KATNIP: variants seen among roughly 807,000 people sequenced by gnomAD.
The protein encoded by KATNIP is katanin interacting protein, also known as katanin-interacting protein.
A neutral mutation model predicts 174.0 loss-of-function variants in KATNIP; 126 were observed. That is an observed-to-expected ratio of 0.72 (90% CI 0.63 to 0.84). The LOEUF (loss-of-function observed/expected upper bound fraction) is 0.84, where lower values mean the gene tolerates loss of function less well. Among genes scored for constraint, KATNIP ranks in the 40% least tolerant of loss-of-function variants. KATNIP has a pLI of 0.00. For synonymous variants in KATNIP, 810 were observed against 835.7 expected (o/e 0.97, Z 0.53); for missense variants, 1,958 against 2,109.7 (o/e 0.93, Z 1.41).
chr16:27,555,088 G>A (rs190003471), intron 1 of KATNIP, among the ~76,000 whole-genome samples: 4 of 152,082 alleles, frequency 2.6e-5, no homozygotes, highest in South Asian at 2.1e-4. Context: ...ATGAGCCACC[G>A]CACCTGGCCC....
At chr16:27,562,541 G>T (rs1462204556) in intron 1 of KATNIP, among the ~76,000 whole-genome samples, 1 of 152,152 alleles carries the variant, frequency 6.6e-6, no homozygotes, top group Non-Finnish European at 1.5e-5. Flanking sequence ...TTTTTGGGAG[G>T]TGCAGATACT....
At chr16:27,581,367 C>T (rs191894214) in intron 2 of KATNIP, among the ~76,000 whole-genome samples, 173 of 152,178 alleles carry the variant, frequency 1.1e-3, no homozygotes, top group African/African-American at 4.1e-3. Flanking sequence ...TTGATGTTTC[C>T]AATTCATCTT....
chr16:27,778,288 A>T lies in KATNIP; in HGVS notation c.4802-286A>T, dbSNP rs9924625. 7.7e-3 allele frequency among the ~76,000 whole-genome samples: 1,177 copies of T among 152,350 alleles called. 14 individuals carry two copies. Among genetic ancestry groups the T allele is most frequent in the African/African-American group, 0.027 (1,113 of 41,578 alleles). On this transcript the variant is annotated intron_variant, in intron 27 of 27. Coordinates refer to ENST00000261588, the MANE Select transcript of KATNIP (RefSeq NM_015202.5). ...GCCCCGGGCCGTGGGAAACCAATAG[A>T]GGATGCCCAAGGTGAGGGCTTCCCG...
In KATNIP at chr16:27,690,290, C is replaced by T. The variant is rs8063100; in HGVS notation, c.941-8038C>T. On this transcript the variant is annotated intron_variant, in intron 8 of 27. Coordinates refer to ENST00000261588, the MANE Select transcript of KATNIP (RefSeq NM_015202.5). Reference sequence around the variant, plus strand: ...ATACTCATTCCATGGCACTCCAGCCCGGGTGACAGAGTGAGACCCCATCTC... The same window carrying T: ...ATACTCATTCCATGGCACTCCAGCCTGGGTGACAGAGTGAGACCCCATCTC... Among the ~76,000 whole-genome samples, 1,151 of 148,020 alleles carry T rather than the reference C, an allele frequency of 7.8e-3. 17 individuals carry two copies. The highest frequency in any genetic ancestry group is 0.028 in the African/African-American group (1,105 of 40,048).
chr16:27,653,237 C>T (rs541641669), intron 6 of KATNIP, among the ~76,000 whole-genome samples: 15 of 152,288 alleles, frequency 9.8e-5, no homozygotes, highest in Admixed American at 9.2e-4. Flanking sequence ...GAGCGTGATA[C>T]GTGACAGGAA....
intron 22 of KATNIP, among the ~76,000 whole-genome samples, chr16:27,772,876 CAT>C (rs1257593105): frequency 2.6e-5 from 4 of 152,002 alleles, no homozygotes; most frequent in Non-Finnish European, 5.9e-5. Flanking sequence ...CATACACACA[CAT>C]GAACACTCAC....
intron 2 of KATNIP, among the ~76,000 whole-genome samples, chr16:27,596,891 C>T (rs946534272): frequency 5.3e-5 from 8 of 152,066 alleles, no homozygotes; most frequent in Non-Finnish European, 1.2e-4. Context: ...GGAGTGGTGG[C>T]GTGTGCCTAT....
chr16:27,670,475 G>A (rs1462843783), intron 6 of KATNIP, among the ~76,000 whole-genome samples: 2 of 152,216 alleles, frequency 1.3e-5, no homozygotes, highest in East Asian at 3.8e-4. Context: ...TTTCTGAGAA[G>A]AGCTCATGAA....
At chr16:27,598,656 A>G (rs747760104) in intron 2 of KATNIP, among the ~76,000 whole-genome samples, 11 of 152,218 alleles carry the variant, frequency 7.2e-5, no homozygotes, top group Non-Finnish European at 1.6e-4. Flanking sequence ...TTCACAGTAC[A>G]TTTACAAGTG....
chr16:27,635,449 G>C (rs1203294702), intron 5 of KATNIP, among the ~76,000 whole-genome samples: 1 of 152,088 alleles, frequency 6.6e-6, no homozygotes, highest in African/African-American at 2.4e-5. Flanking sequence ...ACACACCCAG[G>C]CTTTTGGGAA....
chr16:27,627,921 A>G (rs1171987931), intron 3 of KATNIP, among the ~76,000 whole-genome samples: 1 of 152,208 alleles, frequency 6.6e-6, no homozygotes, highest in African/African-American at 2.4e-5. Flanking sequence ...GCAGTGTGAC[A>G]TCAGGATTGG....
At chr16:27,712,163 G>A (rs1035458433) in intron 13 of KATNIP, among the ~76,000 whole-genome samples, 4 of 152,156 alleles carry the variant, frequency 2.6e-5, no homozygotes, top group African/African-American at 9.7e-5. Flanking sequence ...GATGGTCCAC[G>A]GTTTTGGTGG....
chr16:27,661,590 A>G (rs1452164128), intron 6 of KATNIP, among the ~76,000 whole-genome samples: 1 of 151,286 alleles, frequency 6.6e-6, no homozygotes, highest in African/African-American at 2.4e-5. Flanking sequence ...CGGGGGTTTC[A>G]CCATGTTGGC....
At chr16:27,672,105 A>G (rs1406217233) in intron 6 of KATNIP, among the ~76,000 whole-genome samples, 2 of 152,146 alleles carry the variant, frequency 1.3e-5, no homozygotes, top group African/African-American at 4.8e-5. Context: ...ATAACATTGT[A>G]TCTCTGCCTA....
intron 11 of KATNIP, 61 bp downstream of exon 11, chr16:27,701,756 T>C: frequency 9.0e-7 from 1 of 1,114,584 alleles, no homozygotes; most frequent in East Asian, 2.6e-5. Flanking sequence ...GGGGATCTTC[T>C]TCATGAGGGT....
intron 2 of KATNIP, among the ~76,000 whole-genome samples, chr16:27,598,358 G>A (rs376939316): frequency 4.6e-4 from 70 of 152,008 alleles, no homozygotes; most frequent in South Asian, 2.1e-3. Flanking sequence ...ATGAAAAACC[G>A]TCTCTCTCCT....
intron 5 of KATNIP, among the ~76,000 whole-genome samples, chr16:27,636,285 T>C (rs2076633588): frequency 1.3e-5 from 2 of 152,226 alleles, no homozygotes; most frequent in South Asian, 2.1e-4. Context: ...GGATAGGGCA[T>C]GAGCTTTCCT....
At chr16:27,648,483 A>C in intron 5 of KATNIP, 121 bp from the exon 6 acceptor site, 1 of 1,203,880 alleles carries the variant, frequency 8.3e-7, no homozygotes, top group Non-Finnish European at 1.2e-6. Flanking sequence ...ATGCAGGCAC[A>C]CCACCCCATG....
chr16:27,714,675 A>C (rs2079846211), intron 13 of KATNIP, among the ~76,000 whole-genome samples: 1 of 152,204 alleles, frequency 6.6e-6, no homozygotes, highest in Non-Finnish European at 1.5e-5. Flanking sequence ...ATTACAAGAG[A>C]AAATGAAATT....
Sources: allele counts gnomAD v4.1 joint callset (sites outside exome capture counted in the v4.1 genomes callset), GRCh38; gene constraint gnomAD v4.1.1; transcripts MANE v1.5; gene names NCBI Gene and HGNC (gene_info 2026-07-23, HGNC 2026-07-21).